The following AP1B1 variants were observed in gnomAD, a reference collection of about 807,000 sequenced individuals.
The protein encoded by AP1B1 is AP-1 complex subunit beta-1.
A neutral mutation model predicts 104.3 loss-of-function variants in AP1B1; 36 were observed. That is an observed-to-expected ratio of 0.35 (90% CI 0.26 to 0.46). AP1B1 has a LOEUF of 0.46. Ranked by LOEUF, AP1B1 falls within the 20% of genes least tolerant of loss-of-function variation. The pLI is 1.00. For missense variants in AP1B1, 901 were observed against 1,247.9 expected, an observed-to-expected ratio of 0.72 and a Z score of 4.19; for synonymous variants, 504 against 517.5, an observed-to-expected ratio of 0.97 and a Z score of 0.35.
At chr22:29,343,138 A>G in intron 11 of AP1B1, among the ~76,000 whole-genome samples, 1 of 152,350 alleles carries the variant, frequency 6.6e-6, no homozygotes, top group South Asian at 2.1e-4. Flanking sequence ...ATACTTGCTG[A>G]CTGAAGAAAC....
In AP1B1 at chr22:29,362,989, A is replaced by G. The variant is rs765757483; in HGVS notation, c.143+12T>C. 4 of 1,609,600 alleles carry G rather than the reference A, an allele frequency of 2.5e-6. No individual in the cohort carries two copies. The highest frequency in any genetic ancestry group is 1.7e-5 in the Admixed American group (1 of 60,004). On this transcript the variant is annotated intron_variant, in intron 3 of 22. Transcript: ENST00000357586. ...CCAGCTTCTAGCTGCCACCAGGCCT[A>G]CTCCTGCACACCTGACATCTTTGCC... is the stretch of plus-strand genomic sequence containing the variant.
At chr22:29,373,142 A>G (rs1316296868) in intron 1 of AP1B1, among the ~76,000 whole-genome samples, 1 of 151,890 alleles carries the variant, frequency 6.6e-6, no homozygotes, top group African/African-American at 2.4e-5. Flanking sequence ...ATGGTGGTGC[A>G]CACCTGTAGT....
chr22:29,357,844 C>T (rs1488047582), intron 5 of AP1B1, among the ~76,000 whole-genome samples: 3 of 151,976 alleles, frequency 2.0e-5, no homozygotes, highest in African/African-American at 4.8e-5. Flanking sequence ...CATGCCACCA[C>T]ACCCGGCTAA....
At chr22:29,377,364 T>C (rs2062362292) in intron 1 of AP1B1, among the ~76,000 whole-genome samples, 1 of 152,084 alleles carries the variant, frequency 6.6e-6, no homozygotes, top group Non-Finnish European at 1.5e-5. Flanking sequence ...GTTACCAAAT[T>C]CAGACAGGCT....
chr22:29,354,531 G>T, intron 7 of AP1B1, 119 bp downstream of exon 7: 1 of 959,828 alleles, frequency 1.0e-6, no homozygotes, highest in Non-Finnish European at 1.6e-6. Flanking sequence ...GCTATTCTGG[G>T]TTAAGCTATT....
At chr22:29,386,001 G>C (rs979915447) in intron 1 of AP1B1, among the ~76,000 whole-genome samples, 1 of 152,224 alleles carries the variant, frequency 6.6e-6, no homozygotes, top group African/African-American at 2.4e-5. Context: ...GGTGGAAAAA[G>C]TCCTGCGTAC....
Position 29,328,712 on chromosome 22 carries a change from G to C in AP1B1, c.*109C>G, listed in dbSNP as rs2061512060. 1 of 1,374,362 alleles carries C rather than the reference G, an allele frequency of 7.3e-7. No homozygotes were observed. Among genetic ancestry groups the C allele is most frequent in the Non-Finnish European group, 9.8e-7 (1 of 1,015,648 alleles). 85.1% of individuals were successfully genotyped at this position (1,374,362 alleles called of 1,614,324 possible). On this transcript the variant is annotated 3_prime_UTR_variant, in exon 23 of 23. Transcript: ENST00000357586. This position sits in a 1 kb window ranked among gnomAD's most constrained non-coding sequence, Gnocchi z 4.1. ...CCATCAGGACCAGGGAGCCCACTGA[G>C]TGGCCTGGAGCCCCGCCTGGTCCCT...
chr22:29,375,477 A>G (rs1237735255), intron 1 of AP1B1, among the ~76,000 whole-genome samples: 2 of 151,756 alleles, frequency 1.3e-5, no homozygotes, highest in Non-Finnish European at 1.5e-5. Context: ...ACATTCTAGG[A>G]GCTCACCAAA....
At chr22:29,347,331 A>G (rs2061808406) in intron 11 of AP1B1, among the ~76,000 whole-genome samples, 1 of 152,244 alleles carries the variant, frequency 6.6e-6, no homozygotes, top group African/African-American at 2.4e-5. Context: ...TGGGCTGGCC[A>G]TGTGTCAAGG....
intron 13 of AP1B1, 82 bp from the exon 14 acceptor site, chr22:29,340,939 C>T: frequency 7.1e-7 from 1 of 1,401,434 alleles, no homozygotes; most frequent in South Asian, 1.4e-5. Flanking sequence ...GCAGAGCTGT[C>T]CCCCAGGACA....
chr22:29,351,931 T>C (rs2061881832), intron 7 of AP1B1, 106 bp from the exon 8 acceptor site: 2 of 1,421,634 alleles, frequency 1.4e-6, no homozygotes, highest in African/African-American at 2.8e-5. Context: ...AGGTGGAGCC[T>C]GATGTCTGTG....
chr22:29,385,821 C>T (rs1039205368), intron 1 of AP1B1, among the ~76,000 whole-genome samples: 3 of 152,206 alleles, frequency 2.0e-5, no homozygotes, highest in Non-Finnish European at 4.4e-5. Flanking sequence ...TGTTTGCTTA[C>T]TGTCAGCATG....
intron 7 of AP1B1, among the ~76,000 whole-genome samples, chr22:29,353,914 G>C (rs956305587): frequency 6.6e-6 from 1 of 152,188 alleles, no homozygotes; most frequent in Non-Finnish European, 1.5e-5. Context: ...CCCCTCCCCA[G>C]AGCTGCAGGG....
chr22:29,350,891 A>T (rs142297553), intron 9 of AP1B1, among the ~76,000 whole-genome samples: 224 of 152,362 alleles, frequency 1.5e-3, no homozygotes, highest in African/African-American at 5.0e-3. Context: ...TGCTAAGTCC[A>T]TTAACTTGTG....
At chr22:29,329,203 C>T in intron 22 of AP1B1, 1 of 1,228,980 alleles carries the variant, frequency 8.1e-7, no homozygotes, top group East Asian at 4.3e-5. Context: ...ACCCTGAGGG[C>T]TGCCCGGCCC....
chr22:29,341,631 C>CGATGA lies in AP1B1; in HGVS notation c.1661_1665dup (p.Glu556SerfsTer7). On this transcript the variant is annotated frameshift_variant, in exon 13 of 23. Transcript: ENST00000357586. LOFTEE classifies it high-confidence loss of function. ...ATAAGCTCGTCTAACAGTGTGGGCTCGATGAGGTCCGTCTCTTCAGAGATG... is the reference window on the plus strand; with the variant it reads ...ATAAGCTCGTCTAACAGTGTGGGCTCGATGAGATGAGGTCCGTCTCTTCAGAGATG... 6.2e-7 allele frequency: 1 copy of CGATGA among 1,614,188 alleles called. No individual in the cohort carries two copies. Among genetic ancestry groups the CGATGA allele is most frequent in the Non-Finnish European group, 8.5e-7 (1 of 1,180,024 alleles).
At chr22:29,384,238 C>CGA (rs906324237) in intron 1 of AP1B1, among the ~76,000 whole-genome samples, 5 of 152,050 alleles carry the variant, frequency 3.3e-5, no homozygotes, top group East Asian at 1.9e-4. Flanking sequence ...TTACTACTAC[C>CGA]GAGAGAGAGA....
rs117915881 is a variant in AP1B1, at chr22:29,381,889, C to A, written c.-28+6535G>T. Among the ~76,000 whole-genome samples, 230 of 151,792 alleles carry A rather than the reference C, an allele frequency of 1.5e-3. 2 individuals are homozygous for A. Among genetic ancestry groups the A allele is most frequent in the Non-Finnish European group, 2.8e-3 (188 of 67,952 alleles). ...ACAGCCAACTCTTCACTATCTCTAC[C>A]CTTGCTGATCCTTCTGCTTGGATTA... On this transcript the variant is annotated intron_variant, in intron 1 of 22. Transcript: ENST00000357586.
chr22:29,360,131 T>C (rs774333404), intron 3 of AP1B1, among the ~76,000 whole-genome samples, 172 bp from the exon 4 acceptor site: 29 of 152,170 alleles, frequency 1.9e-4, no homozygotes, highest in Non-Finnish European at 3.5e-4. Flanking sequence ...TCAACACCTA[T>C]TGATAGAAAG....
Sources: gnomAD v4.1 joint callset for allele counts (sites outside exome capture counted in the v4.1 genomes callset) on GRCh38, gnomAD v4.1.1 for gene constraint, Gnocchi (gnomAD v3.1) non-coding constraint, MANE v1.5 for transcripts, NCBI Gene and HGNC (gene_info 2026-07-23, HGNC 2026-07-21) for gene names.